Variants in VIM observed in about 807,000 individuals in gnomAD.
VIM encodes epididymis secretory sperm binding protein.
In VIM, 18 loss-of-function variants were observed where a neutral mutation model predicts 50.3. The observed-to-expected ratio is 0.36, with a 90% CI of 0.25 to 0.53. VIM has a LOEUF of 0.53. Among genes scored for constraint, VIM ranks in the 20% least tolerant of loss-of-function variants. The pLI, the probability that VIM is intolerant of heterozygous loss-of-function variation, is 0.91. For missense variants in VIM, 551 were observed against 614.7 expected, an observed-to-expected ratio of 0.90 and a Z score of 1.10; for synonymous variants, 245 against 248.5, an observed-to-expected ratio of 0.99 and a Z score of 0.13.
rs747904058 is a variant in VIM at position 17,229,888 on chromosome 10, G to C, written c.466G>C (p.Glu156Gln). The C allele has an allele frequency of 1.2e-6, 2 of 1,611,798 alleles. No homozygotes were observed. Among genetic ancestry groups the C allele is most frequent in the South Asian group, 2.2e-5 (2 of 90,610 alleles). The part of the protein sequence containing the change: ...LGDLYEEEMR[E>Q]LRRQVDQLTN... ...GGACCTCTACGAGGAGGAGATGCGGGAGCTGCGCCGGCAGGTGGACCAGCT... is the reference window on the plus strand; with the variant it reads ...GGACCTCTACGAGGAGGAGATGCGGCAGCTGCGCCGGCAGGTGGACCAGCT... The change falls in exon 2 of 10, where the codon GAG (glutamate) becomes CAG (glutamine). Residue 156 changes from glutamate (E) to glutamine (Q), a missense_variant. Around this residue, in one of 3 missense-constraint regions of VIM, gnomAD observed 394 missense variants for 437.5 expected, o/e 0.90. Coordinates refer to ENST00000544301, the MANE Select transcript of VIM (RefSeq NM_003380.5).
Position 17,229,795 on chromosome 10 carries a change from G to A in VIM, c.373G>A (p.Glu125Lys). 6.3e-7 allele frequency: 1 copy of A among 1,595,634 alleles called. No individual in the cohort carries two copies. Among genetic ancestry groups the A allele is most frequent in the Non-Finnish European group, 8.5e-7 (1 of 1,171,098 alleles). Residue 125 changes from glutamate (E) to lysine (K), a missense_variant, in exon 2 of 10, where the codon GAG becomes AAG. Around this residue, in one of 3 missense-constraint regions of VIM, gnomAD observed 394 missense variants for 437.5 expected, o/e 0.90. Transcript: ENST00000544301. Reference protein sequence around the residue: ...ANYIDKVRFLEQQNKILLAEL... With the variant: ...ANYIDKVRFLKQQNKILLAEL... ...CTACATCGACAAGGTGCGCTTCCTGGAGCAGCAGAATAAGATCCTGCTGGC... is the reference window on the plus strand; with the variant it reads ...CTACATCGACAAGGTGCGCTTCCTGAAGCAGCAGAATAAGATCCTGCTGGC...
intron 8 of VIM, 100 bp downstream of exon 8, chr10:17,235,989 A>T: frequency 7.7e-7 from 1 of 1,293,162 alleles, no homozygotes; most frequent in Non-Finnish European, 1.1e-6. Context: ...AAAAAATGCC[A>T]TATAAGAGAA....
rs1846838408 is a variant in VIM, at chr10:17,233,835, G to A, written c.786G>A (p.Lys262=). 2 of 1,614,066 alleles carry A rather than the reference G, an allele frequency of 1.2e-6. No homozygotes were observed. The highest frequency in any genetic ancestry group is 1.7e-6 in the Non-Finnish European group (2 of 1,180,044). ...TCCAAATCGATGTGGATGTTTCCAA[G>A]CCTGACCTCACGGCTGCCCTGCGTG... ...QHVQIDVDVS[K]PDLTAALRDV... Residue 262 remains lysine, a synonymous_variant, in exon 5 of 10, where the codon AAG becomes AAA. Transcript: ENST00000544301.
chr10:17,229,906 G>T lies in VIM; in HGVS notation c.484G>T (p.Asp162Tyr). Residue 162 changes from aspartate (D) to tyrosine (Y), a missense_variant, in exon 2 of 10, where the codon GAC (aspartate) becomes TAC (tyrosine). This residue lies in a region of VIM where 394 missense variants were observed against 437.5 expected (regional missense o/e 0.90). Coordinates refer to ENST00000544301, the MANE Select transcript of VIM (RefSeq NM_003380.5). ...GATGCGGGAGCTGCGCCGGCAGGTG[G>T]ACCAGCTAACCAACGACAAAGCCCG... is the stretch of plus-strand genomic sequence containing the variant. ...EEMRELRRQVDQLTNDKARVE... is the reference protein window; with the variant it reads ...EEMRELRRQVYQLTNDKARVE... The T allele has an allele frequency of 6.2e-7, 1 of 1,612,650 alleles. No homozygotes were observed. The highest frequency in any genetic ancestry group is 1.1e-5 in the South Asian group (1 of 90,834).
chr10:17,235,071 C>A (rs1846863013), intron 6 of VIM, 98 bp from the exon 7 acceptor site: 1 of 1,409,416 alleles, frequency 7.1e-7, no homozygotes, highest in Non-Finnish European at 9.9e-7. Context: ...TCGCCATTTG[C>A]CGCTAATGGA....
At chr10:17,230,507 A>T (rs549355720) in intron 2 of VIM, 143 bp from the exon 3 acceptor site, 1 of 931,986 alleles carries the variant, frequency 1.1e-6, no homozygotes, top group Non-Finnish European at 1.8e-6. Flanking sequence ...CGAGGGCAGC[A>T]GGTCTGAAAG....
rs1846839280 is a variant in VIM, at chr10:17,233,872, C to A, written c.823C>A (p.Gln275Lys). ...LTAALRDVRQ[Q>K]YESVAAKNLQ... Reference sequence around the variant, plus strand: ...GGCTGCCCTGCGTGACGTACGTCAGCAATATGAAAGTGTGGCTGCCAAGAA... The same window carrying A: ...GGCTGCCCTGCGTGACGTACGTCAGAAATATGAAAGTGTGGCTGCCAAGAA... Residue 275 changes from glutamine (Q) to lysine (K), a missense_variant, in exon 5 of 10, where the codon CAA becomes AAA. Transcript: ENST00000544301. The A allele has an allele frequency of 6.2e-7, 1 of 1,613,950 alleles. No individual in the cohort carries two copies. Among genetic ancestry groups the A allele is most frequent in the South Asian group, 1.1e-5 (1 of 91,070 alleles).
At chr10:17,229,212 G>A in intron 1 of VIM, 64 bp from the exon 2 acceptor site, 1 of 496,718 alleles carries the variant, frequency 2.0e-6, no homozygotes, top group Middle Eastern at 5.6e-4. Flanking sequence ...CGGCTGGGAT[G>A]GCAGTGGGAG....
In VIM at chr10:17,229,863, G is replaced by T; in HGVS notation, c.441G>T (p.Gly147=). Residue 147 remains glycine, a synonymous_variant, in exon 2 of 10, where the codon GGG becomes GGT. Coordinates refer to ENST00000544301, the MANE Select transcript of VIM (RefSeq NM_003380.5). ...AGGGCCAAGGCAAGTCGCGCCTGGG[G>T]GACCTCTACGAGGAGGAGATGCGGG... ...QLKGQGKSRL[G]DLYEEEMREL... The T allele has an allele frequency of 6.2e-7, 1 of 1,608,776 alleles. No homozygotes were observed. The highest frequency in any genetic ancestry group is 2.2e-5 in the East Asian group (1 of 44,698).
At chr10:17,235,071 C>T (rs1846863013) in intron 6 of VIM, 98 bp from the exon 7 acceptor site, 20 of 1,409,286 alleles carry the variant, frequency 1.4e-5, no homozygotes, top group Non-Finnish European at 1.9e-5. Context: ...TCGCCATTTG[C>T]CGCTAATGGA....
rs1846886426 is a variant in VIM at position 17,236,193 on chromosome 10, GC to G, written c.1274-99del. On this transcript the variant is annotated intron_variant, in intron 8 of 9. Coordinates refer to ENST00000544301, the MANE Select transcript of VIM (RefSeq NM_003380.5). The stretch of plus-strand genomic sequence containing the variant: ...TTGGCGAGTAGTACTTTACACAATT[GC>G]CTCTCCCCCACAAATCATAATTGTT... The G allele has an allele frequency of 3.0e-6, 3 of 983,960 alleles. No homozygotes were observed. In the South Asian group the frequency reaches 3.9e-5, roughly 13 times the overall value. 61.0% of individuals were successfully genotyped at this position (983,960 alleles called of 1,614,324 possible).
At chr10:17,229,120 G>A (rs2131678897) in intron 1 of VIM, 156 bp from the exon 2 acceptor site, 2 of 481,562 alleles carry the variant, frequency 4.2e-6, no homozygotes, top group South Asian at 4.4e-5. Context: ...AGGCCCCGGA[G>A]CAGGAAGGCT....
At chr10:17,236,519 G>C in intron 9 of VIM, 140 bp downstream of exon 9, 1 of 759,182 alleles carries the variant, frequency 1.3e-6, no homozygotes, top group Non-Finnish European at 2.3e-6. Flanking sequence ...AAAAGAATAG[G>C]CTTCTTCTTC....
chr10:17,233,438 T>G, intron 3 of VIM, 149 bp from the exon 4 acceptor site: 1 of 733,010 alleles, frequency 1.4e-6, no homozygotes, highest in Non-Finnish European at 2.4e-6. Flanking sequence ...ACTGAATGAT[T>G]TATAAACCTA....
chr10:17,236,733 T>C (rs1018043501), intron 9 of VIM, among the ~76,000 whole-genome samples: 2 of 152,198 alleles, frequency 1.3e-5, no homozygotes, highest in African/African-American at 2.4e-5. Flanking sequence ...CCTGGACATA[T>C]GGTGTCTTCC....
intron 3 of VIM, among the ~76,000 whole-genome samples, chr10:17,232,398 G>T (rs1038758500): frequency 1.3e-5 from 2 of 152,222 alleles, no homozygotes; most frequent in Admixed American, 6.5e-5. Context: ...TACATATTCT[G>T]ATTTGGAATG....
intron 2 of VIM, chr10:17,230,364 A>C: frequency 1.8e-6 from 1 of 566,604 alleles, no homozygotes. Flanking sequence ...AGAAGGAAGG[A>C]GGGGAAGGCG....
At chr10:17,229,123 G>C in intron 1 of VIM, 153 bp from the exon 2 acceptor site, 2 of 475,810 alleles carry the variant, frequency 4.2e-6, no homozygotes, top group Middle Eastern at 5.5e-4. Context: ...CCCCGGAGCA[G>C]GAAGGCTCGA....
intron 7 of VIM, 110 bp downstream of exon 7, chr10:17,235,499 T>A: frequency 8.2e-7 from 1 of 1,223,456 alleles, no homozygotes; most frequent in Non-Finnish European, 1.2e-6. Context: ...TTCTTTGAGG[T>A]AACTGCTTTC....
Sources: allele counts gnomAD v4.1 joint callset (sites outside exome capture counted in the v4.1 genomes callset), GRCh38; gene constraint gnomAD v4.1.1; regional missense constraint gnomAD v4.1.1; transcripts MANE v1.5; gene names NCBI Gene and HGNC (gene_info 2026-07-23, HGNC 2026-07-21).